The following NUDCD1 variants were observed in gnomAD, a reference collection of about 807,000 sequenced individuals.
NUDCD1 encodes the protein NudC domain containing 1, also known as nudC domain-containing protein 1.
NUDCD1 carries 60 observed loss-of-function variants against 67.8 expected under a neutral mutation model. That is an observed-to-expected ratio of 0.88 (90% CI 0.72 to 1.10). NUDCD1 has a LOEUF of 1.10. Ranked by LOEUF, NUDCD1 falls within the 50% of genes least tolerant of loss-of-function variation. NUDCD1 has a pLI of 0.00. For synonymous variants in NUDCD1, 244 were observed against 230.8 expected, an observed-to-expected ratio of 1.06 and a Z score of -0.52; for missense variants, 643 against 695.0, an observed-to-expected ratio of 0.93 and a Z score of 0.84.
At chr8:109,317,576 A>C (rs1346448618) in intron 2 of NUDCD1, among the ~76,000 whole-genome samples, 1 of 152,224 alleles carries the variant, frequency 6.6e-6, no homozygotes, top group Non-Finnish European at 1.5e-5. Flanking sequence ...TGTGGATTAA[A>C]CAGTTAGTAC....
chr8:109,258,274 G>C (rs912019885), intron 8 of NUDCD1, among the ~76,000 whole-genome samples: 3 of 152,046 alleles, frequency 2.0e-5, no homozygotes, highest in Admixed American at 6.6e-5. Flanking sequence ...TTGTTGAAAA[G>C]ACCATCCTTT....
rs114309454 is a variant in NUDCD1, at chr8:109,244,395, T to C, written c.1459+927A>G. 5.7e-3 allele frequency among the ~76,000 whole-genome samples: 867 copies of C among 152,198 alleles called. 12 individuals carry two copies. Among genetic ancestry groups the C allele is most frequent in the African/African-American group, 0.02 (821 of 41,534 alleles). ...AACATCTGAGCATCTAAAGATGATATGATAGAGCTTTCTTCTGACCAAAGT... is the reference window on the plus strand; with the variant it reads ...AACATCTGAGCATCTAAAGATGATACGATAGAGCTTTCTTCTGACCAAAGT... On this transcript the variant is annotated intron_variant, in intron 9 of 9. Coordinates refer to ENST00000239690, the MANE Select transcript of NUDCD1 (RefSeq NM_032869.4).
rs1815113838 is a variant in NUDCD1 at position 109,306,639 on chromosome 8, C to CG, written c.274-10071_274-10070insC. ...GCAAATAATTATGTTGAACCCCCCC[C>CG]ACCCCCGGACCCCACTGGACACTCT... On this transcript the variant is annotated intron_variant, in intron 2 of 9. Coordinates refer to ENST00000239690, the MANE Select transcript of NUDCD1 (RefSeq NM_032869.4). Among the ~76,000 whole-genome samples, 10 of 151,760 alleles carry CG rather than the reference C, an allele frequency of 6.6e-5. No homozygotes were observed. In the South Asian group the frequency reaches 1.9e-3, roughly 29 times the overall value.
chr8:109,303,583 C>T (rs915016114), intron 2 of NUDCD1, among the ~76,000 whole-genome samples: 1 of 152,054 alleles, frequency 6.6e-6, no homozygotes, highest in African/African-American at 2.4e-5. Flanking sequence ...GACATTTTAA[C>T]TAAATTATCT....
intron 8 of NUDCD1, among the ~76,000 whole-genome samples, chr8:109,267,784 ATTTG>A (rs1814037023): frequency 6.6e-6 from 1 of 152,180 alleles, no homozygotes; most frequent in African/African-American, 2.4e-5. Flanking sequence ...GTGAAGGATT[ATTTG>A]TTTATTTCTT....
intron 9 of NUDCD1, among the ~76,000 whole-genome samples, chr8:109,244,163 A>C (rs898015037): frequency 1.3e-5 from 2 of 152,128 alleles, no homozygotes; most frequent in African/African-American, 4.8e-5. Flanking sequence ...ATGCAGATCA[A>C]TACTGTTTTT....
chr8:109,291,624 A>T (rs774334839), intron 4 of NUDCD1, among the ~76,000 whole-genome samples: 1 of 152,192 alleles, frequency 6.6e-6, no homozygotes, highest in Non-Finnish European at 1.5e-5. Context: ...AAAAAAACCA[A>T]TCATATTAGT....
At chr8:109,257,575 T>A (rs1813766874) in intron 8 of NUDCD1, among the ~76,000 whole-genome samples, 1 of 152,070 alleles carries the variant, frequency 6.6e-6, no homozygotes, top group Non-Finnish European at 1.5e-5. Flanking sequence ...GCCATTTTTG[T>A]GCAAATTAAA....
chr8:109,309,433 G>C (rs902360251), intron 2 of NUDCD1, among the ~76,000 whole-genome samples: 2 of 152,110 alleles, frequency 1.3e-5, no homozygotes, highest in African/African-American at 4.8e-5. Flanking sequence ...AAAACTCTCA[G>C]CAAAATTGGC....
intron 5 of NUDCD1, among the ~76,000 whole-genome samples, chr8:109,283,498 C>T (rs184070205): frequency 4.3e-4 from 66 of 152,142 alleles, no homozygotes; most frequent in Non-Finnish European, 9.1e-4. Flanking sequence ...CTAGACTGTC[C>T]AAGGTCAACA....
At chr8:109,266,087 T>C (rs1029861684) in intron 8 of NUDCD1, among the ~76,000 whole-genome samples, 3 of 151,630 alleles carry the variant, frequency 2.0e-5, no homozygotes, top group African/African-American at 4.9e-5. Flanking sequence ...GGGAGCCACA[T>C]ACATAATTTT....
intron 6 of NUDCD1, among the ~76,000 whole-genome samples, chr8:109,277,636 T>A (rs77875010): frequency 6.6e-6 from 1 of 152,224 alleles, no homozygotes; most frequent in Non-Finnish European, 1.5e-5. Context: ...ATTGTAGTTA[T>A]CTTTTTTAAC....
At chr8:109,325,859 AG>A (rs1241770170) in intron 1 of NUDCD1, among the ~76,000 whole-genome samples, 1 of 152,400 alleles carries the variant, frequency 6.6e-6, no homozygotes, top group East Asian at 1.9e-4. Flanking sequence ...GGGTAAATCC[AG>A]GAAGATCCAT....
chr8:109,268,324 C>T (rs1586263584), intron 8 of NUDCD1, among the ~76,000 whole-genome samples: 1 of 152,128 alleles, frequency 6.6e-6, no homozygotes, highest in South Asian at 2.1e-4. Flanking sequence ...GTTTCAGCTG[C>T]CCCTCTAGGG....
chr8:109,333,855 G>A lies in NUDCD1; in HGVS notation c.118+38C>T, dbSNP rs769145991. The A allele has an allele frequency of 3.7e-5, 60 of 1,610,392 alleles. No homozygotes were observed. The East Asian group carries it at 1.1e-3, about 31-fold the overall frequency. ...GTCAGGCCGGAGGCAGCCGAAAGGG[G>A]AAAGGAACGGAGTACGAAGGGCGCC... On this transcript the variant is annotated intron_variant, in intron 1 of 9. Transcript: ENST00000239690.
intron 7 of NUDCD1, among the ~76,000 whole-genome samples, chr8:109,272,215 A>C (rs569651854): frequency 1.1e-3 from 173 of 152,196 alleles, no homozygotes; most frequent in Admixed American, 4.8e-3. Context: ...ACAAGGTATT[A>C]TTAATTTTAA....
At chr8:109,244,072 G>T (rs890769524) in intron 9 of NUDCD1, among the ~76,000 whole-genome samples, 1 of 151,964 alleles carries the variant, frequency 6.6e-6, no homozygotes, top group Non-Finnish European at 1.5e-5. Flanking sequence ...AGGTATTTAT[G>T]ATCATGTAAA....
chr8:109,280,713 T>A (rs946883872), intron 6 of NUDCD1, among the ~76,000 whole-genome samples: 4 of 152,230 alleles, frequency 2.6e-5, no homozygotes, highest in Non-Finnish European at 5.9e-5. Flanking sequence ...TTTTCACCTA[T>A]GATTATTATT....
intron 8 of NUDCD1, among the ~76,000 whole-genome samples, chr8:109,248,893 C>CT (rs143465065): frequency 0.021 from 3,138 of 151,878 alleles, 106 homozygotes; most frequent in African/African-American, 0.071. Context: ...TTTATTCATG[C>CT]TTTTTTTTAA....
Sources: gnomAD v4.1 joint callset for allele counts (sites outside exome capture counted in the v4.1 genomes callset) on GRCh38, gnomAD v4.1.1 for gene constraint, MANE v1.5 for transcripts, NCBI Gene and HGNC (gene_info 2026-07-23, HGNC 2026-07-21) for gene names.